LRP1B: variants seen among roughly 807,000 people sequenced by gnomAD.
The protein encoded by LRP1B is low-density lipoprotein receptor-related protein 1B.
A neutral mutation model predicts 556.6 loss-of-function variants in LRP1B; 217 were observed. The observed-to-expected ratio is 0.39, with a 90% confidence interval of 0.35 to 0.44. The LOEUF is 0.44. Ranked by LOEUF, LRP1B falls within the 20% of genes least tolerant of loss-of-function variation. The pLI, the probability that LRP1B is intolerant of heterozygous loss-of-function variation, is 1.00. For missense variants in LRP1B, 5,053 were observed against 5,620.8 expected (o/e 0.90, Z 3.23); for synonymous variants, 2,047 against 1,865.8 (o/e 1.10, Z -2.50).
intron 43 of LRP1B, among the ~76,000 whole-genome samples, chr2:140,596,527 C>T (rs1289524511): frequency 6.6e-6 from 1 of 152,154 alleles, no homozygotes; most frequent in Non-Finnish European, 1.5e-5. Flanking sequence ...GGCATAGTTT[C>T]ATATTCAGTA....
At chr2:141,843,516 G>A (rs1697546414) in intron 1 of LRP1B, among the ~76,000 whole-genome samples, 1 of 152,166 alleles carries the variant, frequency 6.6e-6, no homozygotes, top group Admixed American at 6.6e-5. Context: ...TGAGGGCACA[G>A]CTCATCCATG....
chr2:140,701,644 A>T (rs1347711331), intron 40 of LRP1B, 77 bp downstream of exon 40: 1 of 1,417,852 alleles, frequency 7.1e-7, no homozygotes, highest in Non-Finnish European at 9.6e-7. Flanking sequence ...AGAATTTCTA[A>T]GTTTGACAAT....
chr2:141,760,740 A>G (rs1312939381), intron 2 of LRP1B, among the ~76,000 whole-genome samples: 2 of 152,222 alleles, frequency 1.3e-5, no homozygotes, highest in African/African-American at 4.8e-5. Context: ...GGAAGCAAAA[A>G]TAAGGACACT....
intron 79 of LRP1B, 62 bp from the exon 80 acceptor site, chr2:140,325,940 A>G (rs1299115262): frequency 9.5e-7 from 1 of 1,049,892 alleles, no homozygotes; most frequent in East Asian, 2.4e-5. Context: ...TCAAAATCAT[A>G]CTTTTGCTTC....
chr2:140,303,131 AGTTT>A (rs1014666747), intron 83 of LRP1B, among the ~76,000 whole-genome samples: 4 of 147,818 alleles, frequency 2.7e-5, no homozygotes, highest in African/African-American at 1.0e-4. Flanking sequence ...AATGGAGATT[AGTTT>A]ATTTATACAA....
intron 1 of LRP1B, among the ~76,000 whole-genome samples, chr2:141,969,354 T>C (rs1314440185): frequency 1.3e-5 from 2 of 151,590 alleles, no homozygotes; most frequent in Non-Finnish European, 1.5e-5. Context: ...ACAAAACTCA[T>C]TTCTCCTGTC....
intron 1 of LRP1B, among the ~76,000 whole-genome samples, chr2:141,847,322 C>G (rs1697688262): frequency 6.6e-6 from 1 of 151,454 alleles, no homozygotes; most frequent in African/African-American, 2.4e-5. Flanking sequence ...GAAAGATATA[C>G]ATTGTTCATG....
intron 20 of LRP1B, among the ~76,000 whole-genome samples, chr2:140,930,073 C>T (rs1440585787): frequency 6.6e-6 from 1 of 152,102 alleles, no homozygotes; most frequent in East Asian, 1.9e-4. Context: ...AGTTCCAAGC[C>T]GGTATGGTTC....
At chr2:140,807,507 A>ATTTTTT (rs368741661) in intron 32 of LRP1B, among the ~76,000 whole-genome samples, 4 of 132,388 alleles carry the variant, frequency 3.0e-5, no homozygotes, top group Non-Finnish European at 3.2e-5. Flanking sequence ...CGCCTTGCTA[A>ATTTTTT]TTTTTTTTTT....
chr2:141,206,261 A>T (rs137899019), intron 6 of LRP1B, among the ~76,000 whole-genome samples: 2 of 152,228 alleles, frequency 1.3e-5, no homozygotes, highest in Admixed American at 1.3e-4. Flanking sequence ...TACTGTCCTC[A>T]TAAGTACCTA....
chr2:140,852,362 T>C (rs1692485309), intron 27 of LRP1B, among the ~76,000 whole-genome samples: 1 of 152,154 alleles, frequency 6.6e-6, no homozygotes, highest in Non-Finnish European at 1.5e-5. Context: ...TCAAGACTTT[T>C]TAAGGAGTTA....
intron 1 of LRP1B, among the ~76,000 whole-genome samples, chr2:142,049,300 C>T (rs1364314096): frequency 6.6e-6 from 1 of 152,094 alleles, no homozygotes; most frequent in Non-Finnish European, 1.5e-5. Flanking sequence ...TAAAAGCACA[C>T]ATCATATTTG....
intron 79 of LRP1B, among the ~76,000 whole-genome samples, chr2:140,326,233 A>T (rs1408665418): frequency 6.6e-6 from 1 of 152,034 alleles, no homozygotes; most frequent in Non-Finnish European, 1.5e-5. Flanking sequence ...TATTATATGG[A>T]GAATGAATTC....
intron 83 of LRP1B, among the ~76,000 whole-genome samples, chr2:140,298,894 A>G (rs1227355182): frequency 1.3e-5 from 2 of 152,132 alleles, no homozygotes; most frequent in African/African-American, 4.8e-5. Context: ...TATCATTTAA[A>G]TGGTAAAATA....
At chr2:140,267,905 T>G (rs1682282773) in intron 86 of LRP1B, among the ~76,000 whole-genome samples, 1 of 151,546 alleles carries the variant, frequency 6.6e-6, no homozygotes, top group South Asian at 2.1e-4. Context: ...ATTTTTAAAT[T>G]GTATGATTTT....
intron 2 of LRP1B, among the ~76,000 whole-genome samples, chr2:141,577,478 C>A (rs1686793799): frequency 6.6e-6 from 1 of 152,046 alleles, no homozygotes; most frequent in Non-Finnish European, 1.5e-5. Flanking sequence ...GAAAATTATT[C>A]CAACAATTAG....
intron 86 of LRP1B, among the ~76,000 whole-genome samples, chr2:140,250,053 T>C (rs1681338945): frequency 1.3e-5 from 2 of 151,868 alleles, no homozygotes; most frequent in African/African-American, 4.8e-5. Flanking sequence ...TCATCTTTAA[T>C]CTGTACTATT....
At position 140,556,448 on chromosome 2, in the gene LRP1B, C is replaced by T. The variant is rs564031719; in HGVS notation, c.7195-14477G>A. On this transcript the variant is annotated intron_variant, in intron 43 of 90. Coordinates refer to ENST00000389484, the MANE Select transcript of LRP1B (RefSeq NM_018557.3). ...TATTACTATTAGATCATAACCCACA[C>T]GGTCCTCCCATCATATTACCCCACA... 2.6e-4 allele frequency among the ~76,000 whole-genome samples: 40 copies of T among 152,164 alleles called. 1 individual carries two copies. The South Asian group carries it at 3.1e-3, about 12-fold the overall frequency.
intron 60 of LRP1B, among the ~76,000 whole-genome samples, chr2:140,466,124 CTT>C (rs74381027): frequency 3.0e-4 from 38 of 125,636 alleles, no homozygotes; most frequent in South Asian, 5.1e-4. Context: ...TTTCTTTTTT[CTT>C]TTTTTTTTTT....
Sources: gnomAD v4.1 joint callset for allele counts (sites outside exome capture counted in the v4.1 genomes callset) on GRCh38, gnomAD v4.1.1 for gene constraint, MANE v1.5 for transcripts, NCBI Gene and HGNC (gene_info 2026-07-23, HGNC 2026-07-21) for gene names.